Variants in CLIC2 observed in about 807,000 individuals in gnomAD.
CLIC2 encodes the protein CLIC family member 2, also known as chloride intracellular channel protein 2.
Under a neutral mutation model 14.8 loss-of-function variants are expected in CLIC2, and 9 were observed. The ratio of observed to expected loss-of-function variants is 0.61; its 90% CI spans 0.37 to 1.06. The LOEUF (loss-of-function observed/expected upper bound fraction) is 1.06. Among genes scored for constraint, CLIC2 ranks in the 50% least tolerant of loss-of-function variants. CLIC2 has a pLI of 0.01. For synonymous variants in CLIC2, 61 were observed against 66.3 expected, an observed-to-expected ratio of 0.92 and a Z score of 0.39; for missense variants, 148 against 181.4, an observed-to-expected ratio of 0.82 and a Z score of 1.06.
At chrX:155,298,318 G>A (rs1392659856) in intron 3 of CLIC2, among the ~76,000 whole-genome samples, 1 of 112,121 alleles carries the variant, frequency 8.9e-6, no homozygotes, top group Non-Finnish European at 1.9e-5. Context: ...CCTATCCTGG[G>A]TAGACAGAGA....
intron 1 of CLIC2, among the ~76,000 whole-genome samples, chrX:155,329,907 G>A (rs1239585260): frequency 9.0e-6 from 1 of 111,269 alleles, no homozygotes; most frequent in East Asian, 2.8e-4. Flanking sequence ...GGAACTGGAC[G>A]TCATATATTA....
At chrX:155,282,434 C>T (rs930531256) in intron 3 of CLIC2, among the ~76,000 whole-genome samples, 6 of 111,373 alleles carry the variant, frequency 5.4e-5, no homozygotes, top group Non-Finnish European at 1.1e-4. Flanking sequence ...CCAGACTTTG[C>T]CTCAGACCCA....
chrX:155,291,736 T>A (rs1265914417), intron 3 of CLIC2, among the ~76,000 whole-genome samples: 1 of 112,429 alleles, frequency 8.9e-6, no homozygotes, highest in East Asian at 2.8e-4. Flanking sequence ...GTATCTATCA[T>A]TCAAGGAAAT....
In CLIC2 at chrX:155,277,986, C is replaced by A. The variant is rs781834641; in HGVS notation, c.661G>T (p.Ala221Ser). The change falls in exon 6 of 6, where the codon GCC (alanine) becomes TCC (serine). Residue 221 changes from alanine (A) to serine (S), a missense_variant. Physicochemically the swap from Ala to Ser is moderately conservative, Grantham distance 99. Transcript: ENST00000369449. ...CACGTGTGGGTAAATTCTTCACGGG[C>A]ATAGGCATTGTGGAGATAACGCCAG... is the stretch of plus-strand genomic sequence containing the variant. Reference protein sequence around the residue: ...GVWRYLHNAYAREEFTHTCPE... With the variant: ...GVWRYLHNAYSREEFTHTCPE... The A allele has an allele frequency of 8.3e-7, 1 of 1,205,245 alleles. No individual in the cohort carries two copies. Among genetic ancestry groups the A allele is most frequent in the South Asian group, 1.8e-5 (1 of 56,791 alleles).
intron 3 of CLIC2, among the ~76,000 whole-genome samples, chrX:155,281,833 C>T (rs782016305): frequency 9.0e-6 from 1 of 111,212 alleles, no homozygotes; most frequent in Non-Finnish European, 1.9e-5. Flanking sequence ...CCTGCAATGT[C>T]CTCATCTCAG....
rs1557323109 is a variant in CLIC2 at position 155,334,418 on chromosome X, G to A, written c.10C>T (p.Leu4=). The A allele has an allele frequency of 3.3e-6, 4 of 1,208,578 alleles. No individual in the cohort carries two copies. Among genetic ancestry groups the A allele is most frequent in the African/African-American group, 3.5e-5 (2 of 57,768 alleles). MSG[L]RPGTQVDPEI... ...GGGTCCACTTGAGTGCCGGGCCGCAGGCCTGACATCTTTGTCTTTACTGCC... is the reference window on the plus strand; with the variant it reads ...GGGTCCACTTGAGTGCCGGGCCGCAAGCCTGACATCTTTGTCTTTACTGCC... Residue 4 remains leucine, a synonymous_variant, in exon 1 of 6, where the codon CTG becomes TTG. Coordinates refer to ENST00000369449, the MANE Select transcript of CLIC2 (RefSeq NM_001289.6).
At chrX:155,313,213 A>G in intron 1 of CLIC2, among the ~76,000 whole-genome samples, 1 of 109,071 alleles carries the variant, frequency 9.2e-6, no homozygotes. Flanking sequence ...AAAAAAAAAA[A>G]AACAAAACTA....
intron 3 of CLIC2, among the ~76,000 whole-genome samples, chrX:155,281,374 A>C (rs946978246): frequency 3.6e-5 from 4 of 110,574 alleles, no homozygotes; most frequent in African/African-American, 1.3e-4. Context: ...AAAAAAGATA[A>C]CTATATGAAG....
intron 1 of CLIC2, among the ~76,000 whole-genome samples, chrX:155,331,236 C>A (rs927986674): frequency 9.0e-6 from 1 of 110,590 alleles, no homozygotes; most frequent in Non-Finnish European, 1.9e-5. Context: ...AAGGGTGGAT[C>A]GCCTTTGGCA....
At position 155,299,058 on chromosome X, in the gene CLIC2, C is replaced by A; in HGVS notation, c.145G>T (p.Val49Leu). The A allele has an allele frequency of 2.5e-6, 3 of 1,208,435 alleles. No individual in the cohort carries two copies. Among genetic ancestry groups the A allele is most frequent in the Non-Finnish European group, 3.4e-6 (3 of 892,470 alleles). Residue 49 changes from valine (V) to leucine (L), a missense_variant, in exon 2 of 6, where the codon GTG becomes TTG. Val to Leu is a conservative substitution (Grantham distance 32). Transcript: ENST00000369449. ...ILWLKGVKFN[V>L]TTVDMTRKPE... ...TACCTGGTCATGTCAACAGTTGTCA[C>A]ATTAAATTTAACTCCTTTAAGCCAG...
intron 1 of CLIC2, among the ~76,000 whole-genome samples, chrX:155,311,587 C>T (rs781927359): frequency 1.8e-5 from 2 of 112,049 alleles, no homozygotes; most frequent in African/African-American, 3.2e-5. Flanking sequence ...GTGTTCCAAC[C>T]TCTGCCTATT....
intron 1 of CLIC2, chrX:155,310,632 G>T (rs1384990756): frequency 3.3e-5 from 4 of 120,170 alleles, no homozygotes; most frequent in African/African-American, 1.3e-4. Flanking sequence ...GGAGGATGGT[G>T]GCCCTCTTCT....
chrX:155,290,865 G>GCTTA, intron 3 of CLIC2: 1 of 659,470 alleles, frequency 1.5e-6, no homozygotes, highest in Admixed American at 2.2e-5. Context: ...AGTGTTTGAT[G>GCTTA]CTTAGCGTCC....
rs781833019 is a variant in CLIC2, at chrX:155,332,635, A to C, written c.57+1736T>G. On this transcript the variant is annotated intron_variant, in intron 1 of 5. Transcript: ENST00000369449. The stretch of plus-strand genomic sequence containing the variant: ...CTTTGCTTTAATTTCTGTATTCATA[A>C]AAGAGGGTTAATAATAAACCACTTA... 2.3e-4 allele frequency among the ~76,000 whole-genome samples: 13 copies of C among 56,148 alleles called. No individual in the cohort carries two copies. In the East Asian group the frequency reaches 7.3e-3, roughly 32 times the overall value. The allele number at this position is 56,148 out of a possible 115,157, so 48.8% of individuals were successfully genotyped here. A position where few individuals can be genotyped will look rare whatever the true frequency, so the allele number is the denominator to read the frequency against.
At chrX:155,331,799 T>C (rs782161487) in intron 1 of CLIC2, among the ~76,000 whole-genome samples, 164 of 111,328 alleles carry the variant, frequency 1.5e-3, no homozygotes, top group Non-Finnish European at 2.8e-3. Context: ...TTAATAGTTT[T>C]GTTGAATTTT....
chrX:155,321,178 G>T (rs1449272009), intron 1 of CLIC2, among the ~76,000 whole-genome samples: 1 of 111,661 alleles, frequency 9.0e-6, no homozygotes, highest in Admixed American at 9.5e-5. Context: ...AACCTAGCAA[G>T]GCAGGCCAAC....
intron 1 of CLIC2, among the ~76,000 whole-genome samples, chrX:155,328,582 A>G (rs782746174): frequency 9.0e-6 from 1 of 110,923 alleles, no homozygotes; most frequent in African/African-American, 3.3e-5. Flanking sequence ...ACCCAAAGCA[A>G]TCTATAGATT....
intron 4 of CLIC2, 78 bp from the exon 5 acceptor site, chrX:155,279,408 C>T (rs1557316175): frequency 1.4e-6 from 1 of 734,776 alleles, no homozygotes; most frequent in African/African-American, 2.1e-5. Flanking sequence ...GCTTTCCACA[C>T]ATTTAGACAC....
chrX:155,286,962 T>C (rs2124157816), intron 3 of CLIC2, among the ~76,000 whole-genome samples: 1 of 112,828 alleles, frequency 8.9e-6, no homozygotes, highest in Admixed American at 9.4e-5. Flanking sequence ...GTAGAAGCTC[T>C]TTCATTTAAT....
Sources: gnomAD v4.1 joint callset for allele counts (sites outside exome capture counted in the v4.1 genomes callset) on GRCh38, gnomAD v4.1.1 for gene constraint, MANE v1.5 for transcripts, NCBI Gene and HGNC (gene_info 2026-07-23, HGNC 2026-07-21) for gene names.